The following PEX1 variants were observed in gnomAD, a reference collection of about 807,000 sequenced individuals.
PEX1 encodes the protein peroxisomal biogenesis factor 1.
A neutral mutation model predicts 152.5 loss-of-function variants in PEX1; 97 were observed. The ratio of observed to expected loss-of-function variants is 0.64; its 90% CI spans 0.54 to 0.75. The LOEUF (loss-of-function observed/expected upper bound fraction) is 0.75, where lower values mean the gene tolerates loss of function less well. Ranked by LOEUF, PEX1 falls within the 30% of genes least tolerant of loss-of-function variation. The pLI is 0.00. For synonymous variants in PEX1, 485 were observed against 531.6 expected, an observed-to-expected ratio of 0.91 and a Z score of 1.21; for missense variants, 1,357 against 1,516.3, an observed-to-expected ratio of 0.89 and a Z score of 1.74.
intron 1 of PEX1, among the ~76,000 whole-genome samples, chr7:92,527,222 A>G (rs1321838251): frequency 6.6e-6 from 1 of 152,244 alleles, no homozygotes; most frequent in Non-Finnish European, 1.5e-5. Flanking sequence ...ACTACATCTT[A>G]GGATCAAATT....
Position 92,489,748 on chromosome 7 carries a change from C to G in PEX1, c.3602G>C (p.Ser1201Thr). 6.2e-7 allele frequency: 1 copy of G among 1,614,160 alleles called. No homozygotes were observed. Among genetic ancestry groups the G allele is most frequent in the Non-Finnish European group, 8.5e-7 (1 of 1,180,012 alleles). Residue 1201 changes from serine to threonine, a missense_variant, in exon 22 of 24, where the codon AGT becomes ACT. Transcript: ENST00000248633. ...EQRDQLRADI[S>T]IIKGRYRSQS... ...GCTCCGGTATCTGCCTTTGATAATA[C>G]TGATATCTGCCCTCAGTTGATCTCT... is the stretch of plus-strand genomic sequence containing the variant.
At chr7:92,516,070 GAAA>G (rs1163052551) in intron 5 of PEX1, among the ~76,000 whole-genome samples, 47 of 121,492 alleles carry the variant, frequency 3.9e-4, no homozygotes, top group Non-Finnish European at 7.9e-4. Flanking sequence ...GAAAAGAAAA[GAAA>G]AGAAAAGAAA....
intron 1 of PEX1, among the ~76,000 whole-genome samples, chr7:92,523,326 CT>C (rs748738315): frequency 1.5e-3 from 218 of 145,614 alleles, no homozygotes; most frequent in South Asian, 8.6e-3. Flanking sequence ...CATTTTCGAA[CT>C]TTTTTTTTTT....
In PEX1 at chr7:92,499,795, C is replaced by G. The variant is rs545382069; in HGVS notation, c.2627G>C (p.Gly876Ala). 6.2e-7 allele frequency: 1 copy of G among 1,611,282 alleles called. No individual in the cohort carries two copies. Among genetic ancestry groups the G allele is most frequent in the South Asian group, 1.1e-5 (1 of 90,992 alleles). The change falls in exon 16 of 24, where the codon GGA becomes GCA. Residue 876 changes from glycine to alanine, a missense_variant. By Grantham distance (60) the Gly-to-Ala change is moderately conservative (BLOSUM62 0). Coordinates refer to ENST00000248633, the MANE Select transcript of PEX1 (RefSeq NM_000466.3). ...TCCAGGCGGACCATACAACAGTATT[C>G]CTGTTCTTTGTCGTATGGGCAAGTT... ...FANLPIRQRT[G>A]ILLYGPPGTG...
intron 11 of PEX1, among the ~76,000 whole-genome samples, chr7:92,505,943 C>T (rs899904671): frequency 3.3e-5 from 5 of 152,038 alleles, no homozygotes; most frequent in African/African-American, 1.2e-4. Context: ...ATTCAGAGAT[C>T]ATTTATACCA....
At chr7:92,506,153 T>TAAATCTAATA in intron 11 of PEX1, 95 bp downstream of exon 11, 1 of 753,228 alleles carries the variant, frequency 1.3e-6, no homozygotes, top group South Asian at 1.5e-5. Flanking sequence ...AAAGACTAGA[T>TAAATCTAATA]GATATGTGTA....
chr7:92,490,919 G>T (rs746674510), intron 21 of PEX1, among the ~76,000 whole-genome samples: 1 of 152,096 alleles, frequency 6.6e-6, no homozygotes, highest in African/African-American at 2.4e-5. Context: ...TTACATTATT[G>T]TATCAAATTA....
intron 13 of PEX1, 133 bp from the exon 14 acceptor site, chr7:92,502,212 C>T: frequency 1.5e-6 from 1 of 662,992 alleles, no homozygotes. Context: ...GGGGATGGAG[C>T]AGGGGAGGAA....
At chr7:92,501,054 C>T (rs1030393289) in intron 15 of PEX1, among the ~76,000 whole-genome samples, 1 of 152,172 alleles carries the variant, frequency 6.6e-6, no homozygotes, top group Non-Finnish European at 1.5e-5. Context: ...AATGTATTTA[C>T]TGTAACTATC....
rs770500763 is a variant in PEX1, at chr7:92,491,197, G to A, written c.3438+75C>T. 5.3e-4 allele frequency: 544 copies of A among 1,019,164 alleles called. 1 individual carries two copies. The highest frequency in any genetic ancestry group is 7.9e-4 in the Non-Finnish European group (507 of 643,808). The allele number at this position is 1,019,164 out of a possible 1,614,324, so 63.1% of individuals were successfully genotyped here. A position where few individuals can be genotyped will look rare whatever the true frequency, so the allele number is the denominator to read the frequency against. Reference sequence around the variant, plus strand: ...GAAGAATATGTGGGGCTGGTTAGGAGAGAAATCACTGCAACTTTACACCAA... The same window carrying A: ...GAAGAATATGTGGGGCTGGTTAGGAAAGAAATCACTGCAACTTTACACCAA... On this transcript the variant is annotated intron_variant, in intron 21 of 23. Coordinates refer to ENST00000248633, the MANE Select transcript of PEX1 (RefSeq NM_000466.3).
chr7:92,504,453 A>C (rs1792082037), intron 12 of PEX1, among the ~76,000 whole-genome samples: 1 of 152,164 alleles, frequency 6.6e-6, no homozygotes, highest in African/African-American at 2.4e-5. Context: ...TATTTGTCAA[A>C]TGAACAAAAG....
chr7:92,511,126 T>C, intron 7 of PEX1, 79 bp from the exon 8 acceptor site: 1 of 791,146 alleles, frequency 1.3e-6, no homozygotes, highest in Non-Finnish European at 2.1e-6. Flanking sequence ...ATGTCAAATT[T>C]ATTTAAGTTA....
intron 1 of PEX1, among the ~76,000 whole-genome samples, chr7:92,527,331 C>T (rs913116050): frequency 6.6e-6 from 1 of 152,126 alleles, no homozygotes; most frequent in South Asian, 2.1e-4. Context: ...CAACTTCTAC[C>T]TGGAACTTGG....
At chr7:92,493,329 T>C (rs1047439666) in intron 19 of PEX1, 200 bp from the exon 20 acceptor site, 3 of 379,280 alleles carry the variant, frequency 7.9e-6, no homozygotes, top group Non-Finnish European at 1.4e-5. Context: ...TATAGGAAAA[T>C]GAATGAAAAT....
chr7:92,499,357 T>C (rs554185598), intron 16 of PEX1, among the ~76,000 whole-genome samples: 4 of 152,356 alleles, frequency 2.6e-5, no homozygotes, highest in African/African-American at 7.2e-5. Context: ...GGTAACATTA[T>C]TCAGTCATGC....
At chr7:92,505,018 CTA>C (rs1792120057) in intron 11 of PEX1, 116 bp from the exon 12 acceptor site, 1 of 777,354 alleles carries the variant, frequency 1.3e-6, no homozygotes, top group Non-Finnish European at 2.2e-6. Context: ...AAAATTTGAT[CTA>C]TATTTTATTA....
chr7:92,527,862 G>A (rs1216876885), intron 1 of PEX1, among the ~76,000 whole-genome samples: 1 of 152,238 alleles, frequency 6.6e-6, no homozygotes, highest in Non-Finnish European at 1.5e-5. Flanking sequence ...TCCCGCTCAT[G>A]GGACGCGGTG....
chr7:92,528,400 T>C lies in PEX1; in HGVS notation c.36A>G (p.Gly12=), dbSNP rs775940490. 1.3e-6 allele frequency: 2 copies of C among 1,594,840 alleles called. No homozygotes were observed. The highest frequency in any genetic ancestry group is 1.7e-6 in the Non-Finnish European group (2 of 1,172,304). ...WGSDRLAGAG[G]GGAAVTVAFT... The stretch of plus-strand genomic sequence containing the variant: ...AGGCCACAGTCACTGCCGCCCCGCC[T>C]CCCCCAGCACCCGCCAGGCGATCGC... Residue 12 remains glycine (G), a synonymous_variant, in exon 1 of 24, where the codon GGA becomes GGG. Transcript: ENST00000248633.
At chr7:92,500,934 C>T (rs1414243911) in intron 15 of PEX1, among the ~76,000 whole-genome samples, 1 of 152,216 alleles carries the variant, frequency 6.6e-6, no homozygotes, top group Non-Finnish European at 1.5e-5. Context: ...ACCTTGATAA[C>T]TCTTCTACCT....
Sources: gnomAD v4.1 joint callset for allele counts (sites outside exome capture counted in the v4.1 genomes callset) on GRCh38, gnomAD v4.1.1 for gene constraint, MANE v1.5 for transcripts, NCBI Gene and HGNC (gene_info 2026-07-23, HGNC 2026-07-21) for gene names.